TMEM236: variants seen among roughly 807,000 people sequenced by gnomAD.
TMEM236 encodes family with sequence similarity 23, member A.
TMEM236 carries 11 observed loss-of-function variants against 14.7 expected under a neutral mutation model. The observed-to-expected ratio is 0.75, with a 90% CI of 0.47 to 1.24. The LOEUF (loss-of-function observed/expected upper bound fraction) is 1.24, where lower values mean the gene tolerates loss of function less well. Among genes scored for constraint, TMEM236 ranks in the 50% most tolerant of loss-of-function variants. The probability of loss-of-function intolerance (pLI) is 0.00; values close to 1 mark genes in which losing one functional copy is unlikely to be tolerated. For missense variants in TMEM236, 464 were observed against 427.3 expected, an observed-to-expected ratio of 1.09 and a Z score of -0.76; for synonymous variants, 182 against 168.6, an observed-to-expected ratio of 1.08 and a Z score of -0.62.
At chr10:17,754,557 G>A (rs1289126652) in intron 1 of TMEM236, among the ~76,000 whole-genome samples, 1 of 152,058 alleles carries the variant, frequency 6.6e-6, no homozygotes, top group East Asian at 1.9e-4. Flanking sequence ...AAACTCCTGG[G>A]CTCAAACAAT....
At chr10:17,790,410 C>T (rs1160907512) in intron 3 of TMEM236, among the ~76,000 whole-genome samples, 13 of 151,340 alleles carry the variant, frequency 8.6e-5, no homozygotes, top group Non-Finnish European at 1.8e-4. Flanking sequence ...AGGGAATAAA[C>T]GAATGGATGA....
intron 3 of TMEM236, among the ~76,000 whole-genome samples, chr10:17,781,833 T>C (rs1168908164): frequency 2.0e-5 from 3 of 151,750 alleles, no homozygotes; most frequent in Non-Finnish European, 4.4e-5. Flanking sequence ...AGCTTCATCA[T>C]GATCAACAAT....
At chr10:17,790,699 T>G (rs1045137078) in intron 3 of TMEM236, among the ~76,000 whole-genome samples, 56 of 152,364 alleles carry the variant, frequency 3.7e-4, no homozygotes, top group African/African-American at 1.3e-3. Flanking sequence ...TTAAAAGGAC[T>G]GGTAATTTTC....
At chr10:17,761,450 T>C (rs1554833947) in intron 1 of TMEM236, among the ~76,000 whole-genome samples, 1 of 152,114 alleles carries the variant, frequency 6.6e-6, no homozygotes, top group East Asian at 1.9e-4. Flanking sequence ...CCTAGCACTT[T>C]GGGAGGCCGA....
chr10:17,783,583 A>T (rs1414806737), intron 3 of TMEM236, among the ~76,000 whole-genome samples: 1 of 152,320 alleles, frequency 6.6e-6, no homozygotes, highest in East Asian at 1.9e-4. Context: ...TCAGCAGCAT[A>T]GATGGCTATT....
intron 3 of TMEM236, among the ~76,000 whole-genome samples, chr10:17,785,154 T>A (rs1014820547): frequency 1.8e-4 from 27 of 152,322 alleles, no homozygotes; most frequent in African/African-American, 6.5e-4. Context: ...CCAACAGTAA[T>A]TTTTATGGAA....
intron 3 of TMEM236, among the ~76,000 whole-genome samples, chr10:17,790,932 C>T (rs1407426274): frequency 2.0e-5 from 3 of 152,286 alleles, no homozygotes; most frequent in African/African-American, 7.2e-5. Context: ...GCCTCACATT[C>T]GCCTCTAAGT....
At position 17,797,324 on chromosome 10, in the gene TMEM236, G is replaced by A. The variant is rs1188657703; in HGVS notation, c.*820G>A. The stretch of plus-strand genomic sequence containing the variant: ...TTTTTTTTTTTTGAGACGATGTCTC[G>A]CTCTTGTCCCCTAGGCTGGAGTGCG... On this transcript the variant is annotated 3_prime_UTR_variant, in exon 4 of 4. Transcript: ENST00000377495. The A allele has an allele frequency of 2.1e-5, 3 of 144,512 alleles. No homozygotes were observed. The highest frequency in any genetic ancestry group is 2.0e-4 in the East Asian group (1 of 4,996). The allele number at this position is 144,512 out of a possible 1,614,324, so 9.0% of individuals were successfully genotyped here. A position where few individuals can be genotyped will look rare whatever the true frequency, so the allele number is the denominator to read the frequency against.
At chr10:17,756,297 A>G (rs1837283003) in intron 1 of TMEM236, among the ~76,000 whole-genome samples, 1 of 149,188 alleles carries the variant, frequency 6.7e-6, no homozygotes. Context: ...CACCTCATAA[A>G]GTATTTTTTT....
chr10:17,780,034 G>GT (rs1482542800), intron 3 of TMEM236, among the ~76,000 whole-genome samples: 1 of 152,068 alleles, frequency 6.6e-6, no homozygotes, highest in African/African-American at 2.4e-5. Context: ...TATAATAACT[G>GT]TTTTTTTCTT....
chr10:17,764,083 C>A (rs1159822481), intron 1 of TMEM236, among the ~76,000 whole-genome samples: 2 of 152,034 alleles, frequency 1.3e-5, no homozygotes, highest in Non-Finnish European at 2.9e-5. Flanking sequence ...TTTTGGAGAG[C>A]CTTGAAAGAT....
chr10:17,763,864 C>T (rs1837416867), intron 1 of TMEM236, among the ~76,000 whole-genome samples: 1 of 152,132 alleles, frequency 6.6e-6, no homozygotes, highest in Non-Finnish European at 1.5e-5. Flanking sequence ...TTTCACTTCC[C>T]AGCCACAGGA....
intron 1 of TMEM236, among the ~76,000 whole-genome samples, chr10:17,764,420 A>G (rs1167125688): frequency 6.6e-5 from 10 of 152,164 alleles, no homozygotes; most frequent in Admixed American, 2.0e-4. Flanking sequence ...TCTTTAGCCA[A>G]TCCTACTGTG....
At chr10:17,775,124 G>A (rs1837638360) in intron 2 of TMEM236, among the ~76,000 whole-genome samples, 1 of 152,054 alleles carries the variant, frequency 6.6e-6, no homozygotes, top group South Asian at 2.1e-4. Flanking sequence ...TCATTCTCTG[G>A]CGCATTACCC....
chr10:17,789,762 C>T (rs1470739425), intron 3 of TMEM236, among the ~76,000 whole-genome samples: 2 of 152,050 alleles, frequency 1.3e-5, no homozygotes, highest in African/African-American at 4.8e-5. Context: ...GTGGCTCACG[C>T]CTGTAATCGC....
intron 3 of TMEM236, among the ~76,000 whole-genome samples, chr10:17,787,268 G>A (rs1478256729): frequency 6.6e-6 from 1 of 152,228 alleles, no homozygotes. Context: ...GGCACCCTCT[G>A]TGGGGCCTGA....
At position 17,800,802 on chromosome 10, in the gene TMEM236, C is replaced by A. The variant is rs1379567698; in HGVS notation, c.*4298C>A. ...ATAATAGAAGAAAAAAATGAAATGG[C>A]TAAAGACATTTTGTTTTACAATGGG... On this transcript the variant is annotated 3_prime_UTR_variant, in exon 4 of 4. Coordinates refer to ENST00000377495, the MANE Select transcript of TMEM236 (RefSeq NM_001098844.3). The A allele has an allele frequency of 2.0e-5, 3 of 152,124 alleles. No homozygotes were observed. Among genetic ancestry groups the A allele is most frequent in the Non-Finnish European group, 4.4e-5 (3 of 68,024 alleles). The allele number at this position is 152,124 out of a possible 1,614,324, so 9.4% of individuals were successfully genotyped here. A position where few individuals can be genotyped will look rare whatever the true frequency, so the allele number is the denominator to read the frequency against.
chr10:17,788,080 AAAAT>A (rs1307555383), intron 3 of TMEM236, among the ~76,000 whole-genome samples: 48 of 150,380 alleles, frequency 3.2e-4, no homozygotes, highest in African/African-American at 5.8e-4. Flanking sequence ...TATATATTAT[AAAAT>A]AAATAAATGT....
At chr10:17,789,949 G>A (rs1837898379) in intron 3 of TMEM236, among the ~76,000 whole-genome samples, 2 of 152,196 alleles carry the variant, frequency 1.3e-5, no homozygotes, top group East Asian at 1.9e-4. Flanking sequence ...GCATGAACCC[G>A]GGAGGCGGAG....
Sources: gnomAD v4.1 joint callset for allele counts (sites outside exome capture counted in the v4.1 genomes callset) on GRCh38, gnomAD v4.1.1 for gene constraint, MANE v1.5 for transcripts, NCBI Gene and HGNC (gene_info 2026-07-23, HGNC 2026-07-21) for gene names.